GLP1R: variants seen among roughly 807,000 people sequenced by gnomAD.
The protein encoded by GLP1R is glucagon like peptide 1 receptor.
In GLP1R, 32 loss-of-function variants were observed where a neutral mutation model predicts 68.4. The observed-to-expected ratio is 0.47, with a 90% CI of 0.35 to 0.63. The LOEUF (loss-of-function observed/expected upper bound fraction) is 0.63, where lower values mean the gene tolerates loss of function less well. Ranked by LOEUF, GLP1R falls within the 20% of genes least tolerant of loss-of-function variation. The pLI is 0.00. For synonymous variants in GLP1R, 263 were observed against 244.4 expected, an observed-to-expected ratio of 1.08 and a Z score of -0.71; for missense variants, 502 against 594.9, an observed-to-expected ratio of 0.84 and a Z score of 1.62.
chr6:39,078,165 C>A lies in GLP1R; in HGVS notation c.824-157C>A, dbSNP rs10305489. On this transcript the variant is annotated intron_variant, in intron 7 of 12. Transcript: ENST00000373256. Reference sequence around the variant, plus strand: ...TGGGGCTCCTGCTGCCTCTGTTCTCCCAGGTGCCCAGAAAAAAACTAGAAA... The same window carrying A: ...TGGGGCTCCTGCTGCCTCTGTTCTCACAGGTGCCCAGAAAAAAACTAGAAA... Among the ~76,000 whole-genome samples the A allele has an allele frequency of 3.2e-3, 492 of 152,224 alleles. 1 individual carries two copies. Among genetic ancestry groups the A allele is most frequent in the Admixed American group, 7.7e-3 (117 of 15,292 alleles).
intron 5 of GLP1R, among the ~76,000 whole-genome samples, chr6:39,072,425 A>G (rs758178894): frequency 1.7e-4 from 26 of 152,352 alleles, no homozygotes; most frequent in South Asian, 1.5e-3. Context: ...TTTCACATGA[A>G]AGGATATTAA....
At position 39,079,217 on chromosome 6, in the gene GLP1R, G is replaced by A; in HGVS notation, c.1043+17G>A. The A allele has an allele frequency of 6.3e-7, 1 of 1,574,810 alleles. No homozygotes were observed. Among genetic ancestry groups the A allele is most frequent in the Non-Finnish European group, 8.7e-7 (1 of 1,144,114 alleles). On this transcript the variant is annotated intron_variant, in intron 10 of 12. Coordinates refer to ENST00000373256, the MANE Select transcript of GLP1R (RefSeq NM_002062.5). The surrounding 1 kb of genome is among the most constrained non-coding windows in gnomAD (Gnocchi z 4.5). ...CAAATGCAGGTGATGTAACTGAGCT[G>A]GCTTTACTGAGGACCCTCAGCAAGT...
chr6:39,066,355 A>G (rs907921161), intron 5 of GLP1R, 52 bp downstream of exon 5: 1 of 965,200 alleles, frequency 1.0e-6, no homozygotes, highest in Non-Finnish European at 1.7e-6. Flanking sequence ...ACTCCCCCAG[A>G]TAGAGGAATG....
intron 12 of GLP1R, among the ~76,000 whole-genome samples, chr6:39,083,967 C>A (rs553806543): frequency 1.3e-5 from 2 of 152,240 alleles, no homozygotes; most frequent in East Asian, 1.9e-4. Context: ...GTACTGAGCA[C>A]CTGCTGTATG....
intron 12 of GLP1R, 69 bp downstream of exon 12, chr6:39,080,808 A>T: frequency 1.1e-6 from 1 of 917,348 alleles, no homozygotes; most frequent in Non-Finnish European, 1.7e-6. Flanking sequence ...GAGTAGTACA[A>T]TGGGGACTCC....
At chr6:39,081,836 CT>C (rs1261518949) in intron 12 of GLP1R, among the ~76,000 whole-genome samples, 2 of 152,174 alleles carry the variant, frequency 1.3e-5, no homozygotes, top group African/African-American at 4.8e-5. Context: ...CACTCTGAAA[CT>C]TAGTTTGCTC....
chr6:39,056,159 G>T (rs1458808579), intron 1 of GLP1R, among the ~76,000 whole-genome samples: 1 of 152,116 alleles, frequency 6.6e-6, no homozygotes, highest in Non-Finnish European at 1.5e-5. Flanking sequence ...ACATTTGCTG[G>T]GTGCTCGTGA....
At chr6:39,076,472 G>C (rs763538970) in intron 7 of GLP1R, among the ~76,000 whole-genome samples, 1 of 152,120 alleles carries the variant, frequency 6.6e-6, no homozygotes, top group South Asian at 2.1e-4. Flanking sequence ...TCCGCTGGGG[G>C]CTCCTTTGCC....
rs1412313593 is a variant in GLP1R, at chr6:39,079,443, G to A, written c.1044-121G>A. On this transcript the variant is annotated intron_variant, in intron 10 of 12. Coordinates refer to ENST00000373256, the MANE Select transcript of GLP1R (RefSeq NM_002062.5). This position sits in a 1 kb window ranked among gnomAD's most constrained non-coding sequence, Gnocchi z 4.5. ...GGCAGCCTGTCCCAGGGTATTTGGG[G>A]TGGGAGAACATCCATGACCCAGATA... 5.7e-6 allele frequency: 6 copies of A among 1,049,182 alleles called. No individual in the cohort carries two copies. In the South Asian group the frequency reaches 6.4e-5, roughly 11 times the overall value. 65.0% of individuals were successfully genotyped at this position (1,049,182 alleles called of 1,614,324 possible). A position where few individuals can be genotyped will look rare whatever the true frequency, so the allele number is the denominator to read the frequency against.
At position 39,079,615 on chromosome 6, in the gene GLP1R, C is replaced by T; in HGVS notation, c.1095C>T (p.Val365=). 1.2e-6 allele frequency: 2 copies of T among 1,611,050 alleles called. No homozygotes were observed. The highest frequency in any genetic ancestry group is 1.7e-6 in the Non-Finnish European group (2 of 1,178,742). Residue 365 remains valine, a synonymous_variant, in exon 11 of 13, where the codon GTC becomes GTT. Coordinates refer to ENST00000373256, the MANE Select transcript of GLP1R (RefSeq NM_002062.5). The surrounding 1 kb of genome is among the most constrained non-coding windows in gnomAD (Gnocchi z 4.5). ...TLIPLLGTHE[V]IFAFVMDEHA... The stretch of plus-strand genomic sequence containing the variant: ...TCCCCCTGCTGGGGACTCATGAGGT[C>T]ATCTTTGCCTTTGTGATGGACGAGC...
chr6:39,066,270 TG>T lies in GLP1R; in HGVS notation c.478del (p.Val160LeufsTer22). The T allele has an allele frequency of 6.2e-7, 1 of 1,612,338 alleles. No homozygotes were observed. Among genetic ancestry groups the T allele is most frequent in the Non-Finnish European group, 8.5e-7 (1 of 1,178,352 alleles). On this transcript the variant is annotated frameshift_variant, in exon 5 of 13. Coordinates refer to ENST00000373256, the MANE Select transcript of GLP1R (RefSeq NM_002062.5). LOFTEE classifies it high-confidence loss of function. ...TVGYALSFSALVIASAILLGF... is the reference protein window; with the variant it reads ...TVGYALSFSAXVIASAILLGF... ...GGCTACGCACTCTCCTTCTCTGCTC[TG>T]GTTATCGCCTCTGCGATCCTCCTCG...
At chr6:39,061,131 T>C (rs555046864) in intron 3 of GLP1R, among the ~76,000 whole-genome samples, 2 of 152,346 alleles carry the variant, frequency 1.3e-5, no homozygotes, top group East Asian at 1.9e-4. Context: ...CGCAGTGTCC[T>C]GGAGAAGCCA....
At chr6:39,077,147 G>A (rs1768852864) in intron 7 of GLP1R, among the ~76,000 whole-genome samples, 1 of 152,184 alleles carries the variant, frequency 6.6e-6, no homozygotes, top group African/African-American at 2.4e-5. Flanking sequence ...TGGGTACCTT[G>A]TGGCTCAGGA....
rs1768733080 is a variant in GLP1R at position 39,073,673 on chromosome 6, T to C, written c.727T>C (p.Trp243Arg). The change falls in exon 7 of 13, where the codon TGG becomes CGG. Residue 243 changes from tryptophan to arginine, a missense_variant. By Grantham distance (101) the Trp-to-Arg change is moderately radical. Coordinates refer to ENST00000373256, the MANE Select transcript of GLP1R (RefSeq NM_002062.5). ...GTACTGTGTGGCGGCCAATTACTAC[T>C]GGCTCTTGGTGGAGGGCGTGTACCT... ...MQYCVAANYY[W>R]LLVEGVYLYT... The C allele has an allele frequency of 6.2e-7, 1 of 1,613,706 alleles. No individual in the cohort carries two copies. The highest frequency in any genetic ancestry group is 1.3e-5 in the African/African-American group (1 of 74,870).
rs201876227 is a variant in GLP1R, at chr6:39,086,858, G to A, written c.*785G>A. 6.5e-6 allele frequency: 1 copy of A among 152,758 alleles called. No homozygotes were observed. Among genetic ancestry groups the A allele is most frequent in the Non-Finnish European group, 1.5e-5 (1 of 68,058 alleles). 9.5% of individuals were successfully genotyped at this position (152,758 alleles called of 1,614,324 possible). A position where few individuals can be genotyped will look rare whatever the true frequency, so the allele number is the denominator to read the frequency against. On this transcript the variant is annotated 3_prime_UTR_variant, in exon 13 of 13. Transcript: ENST00000373256. The surrounding 1 kb of genome is among the most constrained non-coding windows in gnomAD (Gnocchi z 4.5). ...CCAGCCCTGGGGTATGAGCTGCCAAGTCTATTTTAAAGACGCTCAAGAATC... is the reference window on the plus strand; with the variant it reads ...CCAGCCCTGGGGTATGAGCTGCCAAATCTATTTTAAAGACGCTCAAGAATC...
intron 3 of GLP1R, 22 bp from the exon 4 acceptor site, chr6:39,065,689 G>T: frequency 1.3e-6 from 2 of 1,492,618 alleles, no homozygotes; most frequent in Non-Finnish European, 1.8e-6. Context: ...CTGAGGCTCA[G>T]GGCCAGGTCT....
chr6:39,061,688 T>C (rs924539896), intron 3 of GLP1R, among the ~76,000 whole-genome samples: 2 of 152,166 alleles, frequency 1.3e-5, no homozygotes, highest in African/African-American at 2.4e-5. Context: ...AGGTCTACTA[T>C]GTACCGGGCA....
rs1422490672 is a variant in GLP1R at position 39,086,202 on chromosome 6, C to CACACACACACAT, written c.*132_*133insCACACACATACA. 89 of 493,190 alleles carry CACACACACACAT rather than the reference C, an allele frequency of 1.8e-4. No homozygotes were observed. Among genetic ancestry groups the CACACACACACAT allele is most frequent in the Middle Eastern group, 1.1e-3 (2 of 1,850 alleles). 30.6% of individuals were successfully genotyped at this position (493,190 alleles called of 1,614,324 possible). A position where few individuals can be genotyped will look rare whatever the true frequency, so the allele number is the denominator to read the frequency against. On this transcript the variant is annotated 3_prime_UTR_variant, in exon 13 of 13. Transcript: ENST00000373256. This position sits in a 1 kb window ranked among gnomAD's most constrained non-coding sequence, Gnocchi z 4.5. ...ACACACACACACACACACACACACA[C>CACACACACACAT]ACATACATCCTGCTTTCCCTCCCCA...
At position 39,086,337 on chromosome 6, in the gene GLP1R, G is replaced by A. The variant is rs10305512; in HGVS notation, c.*264G>A. 28,306 of 387,544 alleles carry A rather than the reference G, an allele frequency of 0.073. 2,215 individuals are homozygous for A. The highest frequency in any genetic ancestry group is 0.26 in the African/African-American group (12,809 of 48,628). 24.0% of individuals were successfully genotyped at this position (387,544 alleles called of 1,614,324 possible). Reference sequence around the variant, plus strand: ...ACAGTGGCGAGAGGAGAGGAAAAACGATCGCTGTGAAAATGAGGAGGATTG... The same window carrying A: ...ACAGTGGCGAGAGGAGAGGAAAAACAATCGCTGTGAAAATGAGGAGGATTG... On this transcript the variant is annotated 3_prime_UTR_variant, in exon 13 of 13. Transcript: ENST00000373256. The surrounding 1 kb of genome is among the most constrained non-coding windows in gnomAD (Gnocchi z 4.5).
Sources: gnomAD v4.1 joint callset for allele counts (sites outside exome capture counted in the v4.1 genomes callset) on GRCh38, gnomAD v4.1.1 for gene constraint, Gnocchi (gnomAD v3.1) non-coding constraint, MANE v1.5 for transcripts, NCBI Gene and HGNC (gene_info 2026-07-23, HGNC 2026-07-21) for gene names.